AATK: variants seen among roughly 807,000 people sequenced by gnomAD.
AATK encodes lemur tail kinase 1, also known as serine/threonine-protein kinase LMTK1.
A neutral mutation model predicts 114.3 loss-of-function variants in AATK; 91 were observed. That is an observed-to-expected ratio of 0.80 (90% CI 0.67 to 0.95). The LOEUF is 0.95. Among genes scored for constraint, AATK ranks in the 40% least tolerant of loss-of-function variants. The pLI is 0.00. For missense variants in AATK, 2,176 were observed against 1,965.2 expected (o/e 1.11, Z -2.03); for synonymous variants, 1,075 against 916.5 (o/e 1.17, Z -3.12).
At position 81,120,551 on chromosome 17, in the gene AATK, G is replaced by T. The variant is rs1340873863; in HGVS notation, c.3385C>A (p.Pro1129Thr). ...CCTGGGCCCCCCATCCGCTTTTGTG[G>T]GGCCGGCCCTGACAACAGTCCTGGG... ...GPPGLLSGPA[P>T]QKRMGGPGTP... Residue 1129 changes from proline to threonine, a missense_variant, in exon 11 of 14, where the codon CCA becomes ACA. By Grantham distance (38) the Pro-to-Thr change is conservative (BLOSUM62 -1). This residue lies in a region of AATK where 1,701 missense variants were observed against 1,394.7 expected (regional missense o/e 1.22). Transcript: ENST00000326724. The T allele has an allele frequency of 6.7e-7, 1 of 1,496,822 alleles. No homozygotes were observed. Among genetic ancestry groups the T allele is most frequent in the East Asian group, 2.4e-5 (1 of 40,904 alleles). The allele number at this position is 1,496,822 out of a possible 1,614,324, so 92.7% of individuals were successfully genotyped here. A position where few individuals can be genotyped will look rare whatever the true frequency, so the allele number is the denominator to read the frequency against.
intron 1 of AATK, among the ~76,000 whole-genome samples, chr17:81,163,524 C>T (rs1416025124): frequency 2.6e-5 from 4 of 152,264 alleles, no homozygotes; most frequent in African/African-American, 9.6e-5. Context: ...CGAGGCCACA[C>T]AGCACAGAGG....
Position 81,131,053 on chromosome 17 carries a change from G to A in AATK, c.334+8C>T. 1 of 1,549,038 alleles carries A rather than the reference G, an allele frequency of 6.5e-7. No individual in the cohort carries two copies. The highest frequency in any genetic ancestry group is 1.2e-5 in the South Asian group (1 of 84,136). ...GGAGGCCACCCCATCTCCCCACCCA[G>A]CCCTCACCTGAGCGCCCAGGCTGCT... is the stretch of plus-strand genomic sequence containing the variant. On this transcript the variant is annotated splice_region_variant and intron_variant, in intron 3 of 13. Transcript: ENST00000326724.
At chr17:81,138,786 T>G (rs914758941) in intron 1 of AATK, among the ~76,000 whole-genome samples, 1 of 78,134 alleles carries the variant, frequency 1.3e-5, no homozygotes, top group Non-Finnish European at 2.7e-5. Flanking sequence ...CACACACCCA[T>G]GTGCACACAA....
At chr17:81,164,213 G>A (rs543286951) in intron 1 of AATK, among the ~76,000 whole-genome samples, 46 of 152,350 alleles carry the variant, frequency 3.0e-4, no homozygotes, top group Admixed American at 5.9e-4. Context: ...CAGGCAGAGG[G>A]ACTGCAGCAC....
At chr17:81,151,958 C>G (rs986591482) in intron 1 of AATK, among the ~76,000 whole-genome samples, 7 of 152,186 alleles carry the variant, frequency 4.6e-5, no homozygotes, top group Non-Finnish European at 7.3e-5. Context: ...CCCTCACAGG[C>G]AGTGCCACGC....
chr17:81,131,784 T>C lies in AATK; in HGVS notation c.190-579A>G, dbSNP rs1490867168. ...CGGGGACAGGAATTCCATCACCCCCTGCCCCACAGTCCTGTGGGAGAAGCA... is the reference window on the plus strand; with the variant it reads ...CGGGGACAGGAATTCCATCACCCCCCGCCCCACAGTCCTGTGGGAGAAGCA... On this transcript the variant is annotated intron_variant, in intron 2 of 13. Coordinates refer to ENST00000326724, the MANE Select transcript of AATK (RefSeq NM_001080395.3). 3 of 1,239,438 alleles carry C rather than the reference T, an allele frequency of 2.4e-6. No homozygotes were observed. In the African/African-American group the frequency reaches 4.7e-5, roughly 19 times the overall value. 76.8% of individuals were successfully genotyped at this position (1,239,438 alleles called of 1,614,324 possible).
chr17:81,138,327 CCA>C (rs922585314), intron 1 of AATK, among the ~76,000 whole-genome samples: 2 of 143,068 alleles, frequency 1.4e-5, no homozygotes, highest in African/African-American at 2.6e-5. Flanking sequence ...GCACACATAC[CCA>C]CACATGCACA....
chr17:81,127,384 C>T (rs936344665), intron 6 of AATK, among the ~76,000 whole-genome samples, 199 bp downstream of exon 6: 11 of 152,068 alleles, frequency 7.2e-5, no homozygotes, highest in Admixed American at 5.9e-4. Context: ...CTGTTCTGTG[C>T]CCAGCCCCCA....
chr17:81,141,977 A>C (rs2061146951), intron 1 of AATK, among the ~76,000 whole-genome samples: 1 of 134,048 alleles, frequency 7.5e-6, no homozygotes, highest in African/African-American at 2.8e-5. Flanking sequence ...TCCTTCCTTG[A>C]TAGAGTCTCA....
In AATK at chr17:81,121,085, G is replaced by A. The variant is rs781241006; in HGVS notation, c.2851C>T (p.Leu951Phe). ...TCACACCCTTCCTGCGCCTCCTTGA[G>A]CACAAACTCAGGGGACTCATAGTTC... is the stretch of plus-strand genomic sequence containing the variant. ...TENYESPEFV[L>F]KEAQEGCEPQ... is the part of the protein sequence containing the mutation. The change falls in exon 11 of 14, where the codon CTC (leucine) becomes TTC (phenylalanine). Residue 951 changes from leucine to phenylalanine, a missense_variant. Coordinates refer to ENST00000326724, the MANE Select transcript of AATK (RefSeq NM_001080395.3). 80 of 1,606,244 alleles carry A rather than the reference G, an allele frequency of 5.0e-5. No homozygotes were observed. Among genetic ancestry groups the A allele is most frequent in the Non-Finnish European group, 6.6e-5 (78 of 1,176,412 alleles).
chr17:81,143,827 G>A (rs369651763), intron 1 of AATK, among the ~76,000 whole-genome samples: 1 of 152,244 alleles, frequency 6.6e-6, no homozygotes, highest in South Asian at 2.1e-4. Flanking sequence ...GGGGCTCCAG[G>A]CTCTGCTCAC....
intron 10 of AATK, 75 bp from the exon 11 acceptor site, chr17:81,122,898 G>A (rs1483330066): frequency 1.5e-6 from 2 of 1,318,186 alleles, no homozygotes; most frequent in Non-Finnish European, 2.0e-6. Context: ...AGGGATGGGG[G>A]TTCCCCTAAC....
chr17:81,125,389 C>A (rs751461155), intron 7 of AATK: 20 of 550,936 alleles, frequency 3.6e-5, no homozygotes, highest in Middle Eastern at 3.0e-4. Flanking sequence ...CTCTCGGCTC[C>A]CCAGGAGGTG....
At chr17:81,129,495 A>G (rs1212869489) in intron 3 of AATK, among the ~76,000 whole-genome samples, 10 of 152,150 alleles carry the variant, frequency 6.6e-5, no homozygotes, top group African/African-American at 2.2e-4. Context: ...GGGTGGGGCC[A>G]TTGCCCAGGT....
rs774626348 is a variant in AATK at position 81,120,704 on chromosome 17, G to A, written c.3232C>T (p.Pro1078Ser). 3.3e-6 allele frequency: 5 copies of A among 1,532,612 alleles called. No individual in the cohort carries two copies. The highest frequency in any genetic ancestry group is 1.4e-5 in the African/African-American group (1 of 72,856). The allele number at this position is 1,532,612 out of a possible 1,614,324, so 94.9% of individuals were successfully genotyped here. The change falls in exon 11 of 14, where the codon CCA becomes TCA. Residue 1078 changes from proline to serine, a missense_variant. Physicochemically the swap from Pro to Ser is moderately conservative, Grantham distance 74. This residue lies in a region of AATK where 1,701 missense variants were observed against 1,394.7 expected (regional missense o/e 1.22). Transcript: ENST00000326724. ...GGGCCTTGGGGCTCCGGAGGCTCTG[G>A]GACCAGGCCCGAGGGGCAGGTGCTG... Reference protein sequence around the residue: ...EPSTCPSGLVPEPPEPQGPAK... With the variant: ...EPSTCPSGLVSEPPEPQGPAK...
chr17:81,132,074 C>A (rs967587320), intron 2 of AATK: 30 of 1,246,848 alleles, frequency 2.4e-5, no homozygotes, highest in Non-Finnish European at 3.2e-5. Context: ...GGATACCCCA[C>A]CCCCAAGTCC....
rs1331230489 is a variant in AATK, at chr17:81,127,690, G to C, written c.534-20C>G. On this transcript the variant is annotated intron_variant, in intron 5 of 13. Transcript: ENST00000326724. ...AGGGCCCTGCGGGAGTGGACAGGCG[G>C]CCCCTGACTTGGGAGGAGGTGGGGA... 1.3e-6 allele frequency: 2 copies of C among 1,545,102 alleles called. No individual in the cohort carries two copies. The highest frequency in any genetic ancestry group is 2.8e-5 in the African/African-American group (2 of 72,598).
At chr17:81,152,918 C>T (rs560834903) in intron 1 of AATK, among the ~76,000 whole-genome samples, 2 of 150,650 alleles carry the variant, frequency 1.3e-5, no homozygotes, top group Non-Finnish European at 2.9e-5. Flanking sequence ...TCTCGGTTCA[C>T]TGAAACCTCT....
intron 1 of AATK, among the ~76,000 whole-genome samples, chr17:81,161,575 T>C (rs1244692686): frequency 6.6e-6 from 1 of 151,660 alleles, no homozygotes; most frequent in East Asian, 1.9e-4. Context: ...GGTGGGTGAG[T>C]GCAGAGAGGA....
Sources: allele counts gnomAD v4.1 joint callset (sites outside exome capture counted in the v4.1 genomes callset), GRCh38; gene constraint gnomAD v4.1.1; regional missense constraint gnomAD v4.1.1; transcripts MANE v1.5; gene names NCBI Gene and HGNC (gene_info 2026-07-23, HGNC 2026-07-21).